HEG1: variants seen among roughly 807,000 people sequenced by gnomAD.
The protein encoded by HEG1 is heart development protein with EGF like domains 1.
HEG1 carries 56 observed loss-of-function variants against 125.6 expected under a neutral mutation model. The ratio of observed to expected loss-of-function variants is 0.45; its 90% confidence interval spans 0.36 to 0.56. HEG1 has a LOEUF of 0.56. Ranked by LOEUF, HEG1 falls within the 20% of genes least tolerant of loss-of-function variation. The probability of loss-of-function intolerance (pLI) is 0.00; values close to 1 mark genes in which losing one functional copy is unlikely to be tolerated. For missense variants in HEG1, 1,523 were observed against 1,670.0 expected (o/e 0.91, Z 1.53); for synonymous variants, 644 against 668.5 (o/e 0.96, Z 0.57).
At chr3:125,025,934 C>A (rs994238260) in intron 3 of HEG1, among the ~76,000 whole-genome samples, 41 of 152,340 alleles carry the variant, frequency 2.7e-4, no homozygotes, top group African/African-American at 9.9e-4. Flanking sequence ...TTTAAACAGG[C>A]ACTCCAGAAG....
At chr3:125,040,062 C>G (rs954401583) in intron 1 of HEG1, among the ~76,000 whole-genome samples, 2 of 152,062 alleles carry the variant, frequency 1.3e-5, no homozygotes, top group Non-Finnish European at 2.9e-5. Context: ...AGGATTTTTA[C>G]GCATAACGAA....
intron 1 of HEG1, among the ~76,000 whole-genome samples, chr3:125,054,894 G>A (rs903172620): frequency 6.6e-6 from 1 of 152,148 alleles, no homozygotes; most frequent in Non-Finnish European, 1.5e-5. Context: ...TGGACACAAA[G>A]GTAGCAGGGA....
At chr3:125,026,800 G>C (rs1290742387) in intron 3 of HEG1, among the ~76,000 whole-genome samples, 1 of 152,086 alleles carries the variant, frequency 6.6e-6, no homozygotes, top group East Asian at 1.9e-4. Context: ...AGGAGTTCAA[G>C]ACCAGCCTGG....
At chr3:124,973,926 T>G in intron 15 of HEG1, 21 bp from the exon 16 acceptor site, 1 of 1,569,078 alleles carries the variant, frequency 6.4e-7, no homozygotes, top group Non-Finnish European at 8.8e-7. Flanking sequence ...CAAAAATATT[T>G]GTAAAGCTCA....
chr3:125,004,180 G>A (rs1298272570), intron 9 of HEG1, among the ~76,000 whole-genome samples: 1 of 152,196 alleles, frequency 6.6e-6, no homozygotes, highest in Non-Finnish European at 1.5e-5. Flanking sequence ...TCAGGAGATA[G>A]AGAAATAGAA....
Position 124,966,988 on chromosome 3 carries a change from TG to T in HEG1, c.*3663del, listed in dbSNP as rs1936326339. 1 of 152,234 alleles carries T rather than the reference TG, an allele frequency of 6.6e-6. No homozygotes were observed. Among genetic ancestry groups the T allele is most frequent in the Non-Finnish European group, 1.5e-5 (1 of 68,054 alleles). The allele number at this position is 152,234 out of a possible 1,614,324, so 9.4% of individuals were successfully genotyped here. A position where few individuals can be genotyped will look rare whatever the true frequency, so the allele number is the denominator to read the frequency against. ...AGTCCAAAGATGCTGCCTTCTCCCT[TG>T]GGCCCACTTTAAGAGTTACCTCTTT... On this transcript the variant is annotated 3_prime_UTR_variant, in exon 17 of 17. Coordinates refer to ENST00000311127, the MANE Select transcript of HEG1 (RefSeq NM_020733.2).
chr3:124,975,503 T>G (rs573068127), intron 15 of HEG1, among the ~76,000 whole-genome samples: 1 of 152,340 alleles, frequency 6.6e-6, no homozygotes, highest in South Asian at 2.1e-4. Flanking sequence ...CATCTTTCTT[T>G]GTCTGCTTCT....
intron 1 of HEG1, among the ~76,000 whole-genome samples, chr3:125,030,097 G>A (rs374569538): frequency 5.3e-5 from 8 of 152,172 alleles, no homozygotes; most frequent in African/African-American, 1.9e-4. Context: ...GGTCAGAGAG[G>A]GGATTAGAGG....
At chr3:125,050,292 T>C (rs1579442267) in intron 1 of HEG1, among the ~76,000 whole-genome samples, 5 of 152,198 alleles carry the variant, frequency 3.3e-5, no homozygotes, top group Admixed American at 3.3e-4. Flanking sequence ...TACAGGCACA[T>C]GCCACCATGC....
intron 6 of HEG1, among the ~76,000 whole-genome samples, chr3:125,011,123 T>C (rs181391122): frequency 2.4e-4 from 37 of 152,182 alleles, no homozygotes; most frequent in African/African-American, 7.9e-4. Flanking sequence ...AGCTATGTAA[T>C]ATGCTTCATA....
At position 125,002,264 on chromosome 3, in the gene HEG1, C is replaced by A. The variant is rs200035014; in HGVS notation, c.3349G>T (p.Ala1117Ser). 7 of 1,612,608 alleles carry A rather than the reference C, an allele frequency of 4.3e-6. No homozygotes were observed. Among genetic ancestry groups the A allele is most frequent in the East Asian group, 4.5e-5 (2 of 44,870 alleles). The change falls in exon 10 of 17, where the codon GCC (alanine) becomes TCC (serine). Residue 1117 changes from alanine (A) to serine (S), a missense_variant. Coordinates refer to ENST00000311127, the MANE Select transcript of HEG1 (RefSeq NM_020733.2). Reference sequence around the variant, plus strand: ...TATAATTCTGTTACTTACCTAGAGGCGTGAACTGTAGATCGGATGTAACTA... The same window carrying A: ...TATAATTCTGTTACTTACCTAGAGGAGTGAACTGTAGATCGGATGTAACTA... ...LPSYIRSTVHASRESNAVVIS... is the reference protein window; with the variant it reads ...LPSYIRSTVHSSRESNAVVIS...
At chr3:125,022,166 G>A (rs1258561317) in intron 3 of HEG1, among the ~76,000 whole-genome samples, 1 of 152,160 alleles carries the variant, frequency 6.6e-6, no homozygotes, top group Non-Finnish European at 1.5e-5. Context: ...CTTAGGGAAT[G>A]GAAAGAAACA....
Position 125,012,655 on chromosome 3 carries a change from T to C in HEG1, c.2924A>G (p.Gln975Arg), listed in dbSNP as rs1044384691. The part of the protein sequence containing the change: ...SATFAVQSST[Q>R]SPTTVSSSAS... ...TGAAGAGGACACTGTTGTTGGTGAC[T>C]GTGTGCTGCTCTGAACAGCAAAGGT... The change falls in exon 6 of 17, where the codon CAG becomes CGG. Residue 975 changes from glutamine (Q) to arginine (R), a missense_variant. Gln to Arg is a conservative substitution (Grantham distance 43, BLOSUM62 1). Coordinates refer to ENST00000311127, the MANE Select transcript of HEG1 (RefSeq NM_020733.2). 3.7e-6 allele frequency: 6 copies of C among 1,613,800 alleles called. No individual in the cohort carries two copies. The African/African-American group carries it at 5.3e-5, about 14-fold the overall frequency.
chr3:124,990,432 A>G (rs1441227940), intron 14 of HEG1, among the ~76,000 whole-genome samples: 2 of 151,250 alleles, frequency 1.3e-5, no homozygotes, highest in Non-Finnish European at 2.9e-5. Flanking sequence ...TCCGCCTCCC[A>G]GGTTCAAGCG....
At chr3:124,994,974 C>T (rs531251790) in intron 12 of HEG1, among the ~76,000 whole-genome samples, 11 of 152,300 alleles carry the variant, frequency 7.2e-5, no homozygotes, top group East Asian at 3.9e-4. Flanking sequence ...GAATGGCAGT[C>T]GGATTAAAGA....
intron 16 of HEG1, among the ~76,000 whole-genome samples, chr3:124,973,282 A>G (rs1579391871): frequency 6.6e-6 from 1 of 152,048 alleles, no homozygotes; most frequent in Admixed American, 6.6e-5. Flanking sequence ...AGATCTGCCC[A>G]CCTCGGCCTC....
At position 125,014,641 on chromosome 3, in the gene HEG1, T is replaced by A. The variant is rs116112082; in HGVS notation, c.1589-651A>T. Reference sequence around the variant, plus strand: ...TCTGGCTTGACAGCTAACTGAATCATCCCAGGACGGTGAGTAAATTAATAG... The same window carrying A: ...TCTGGCTTGACAGCTAACTGAATCAACCCAGGACGGTGAGTAAATTAATAG... On this transcript the variant is annotated intron_variant, in intron 5 of 16. Transcript: ENST00000311127. The A allele has an allele frequency of 2.2e-3, 2,526 of 1,170,034 alleles. 39 individuals are homozygous for A. In the African/African-American group the frequency reaches 0.035, roughly 16 times the overall value. 72.5% of individuals were successfully genotyped at this position (1,170,034 alleles called of 1,614,324 possible). A position where few individuals can be genotyped will look rare whatever the true frequency, so the allele number is the denominator to read the frequency against.
intron 1 of HEG1, among the ~76,000 whole-genome samples, chr3:125,046,404 C>T (rs750639992): frequency 1.4e-3 from 49 of 34,354 alleles, no homozygotes; most frequent in African/African-American, 5.6e-3. Flanking sequence ...CACATACACA[C>T]ACACACACAC....
chr3:125,009,642 A>G, intron 8 of HEG1, 63 bp downstream of exon 8: 1 of 1,485,428 alleles, frequency 6.7e-7, no homozygotes, highest in Non-Finnish European at 9.1e-7. Flanking sequence ...AAAAATAACA[A>G]ATGTTACCTT....
Sources: gnomAD v4.1 joint callset for allele counts (sites outside exome capture counted in the v4.1 genomes callset) on GRCh38, gnomAD v4.1.1 for gene constraint, MANE v1.5 for transcripts, NCBI Gene and HGNC (gene_info 2026-07-23, HGNC 2026-07-21) for gene names.